The following PGCKA1 variants were observed in gnomAD, a reference collection of about 807,000 sequenced individuals.
PGCKA1 encodes PDCD10 and GCKIII kinases associated 1.
At chr4:37,509,284 A>G in the PGCKA1 span, among the ~76,000 whole-genome samples, 2,201 of 50,698 alleles carry the variant, frequency 0.043, 59 homozygotes, top group African/African-American at 0.06. Flanking sequence ...CCTCCCAGAC[A>G]GGGCGGCTGC....
At chr4:37,491,276 T>A in the PGCKA1 span, among the ~76,000 whole-genome samples, 12 of 152,288 alleles carry the variant, frequency 7.9e-5, no homozygotes, top group Admixed American at 2.0e-4. Context: ...AGCTCTTTAT[T>A]CTCTCTGTCC....
At chr4:37,546,975 A>G in the PGCKA1 span, among the ~76,000 whole-genome samples, 13 of 152,286 alleles carry the variant, frequency 8.5e-5, 1 homozygote, top group South Asian at 2.5e-3. Context: ...GTGTGGCCTG[A>G]TCACCCACGG....
At chr4:37,547,182 G>C in the PGCKA1 span, among the ~76,000 whole-genome samples, 1 of 152,178 alleles carries the variant, frequency 6.6e-6, no homozygotes, top group African/African-American at 2.4e-5. Context: ...TTGGGAACTT[G>C]CCTTCTCCAT....
At chr4:37,566,129 C>G in the PGCKA1 span, among the ~76,000 whole-genome samples, 1 of 152,086 alleles carries the variant, frequency 6.6e-6, no homozygotes, top group African/African-American at 2.4e-5. Flanking sequence ...ATATGTCTAT[C>G]CTGTTAGTTC....
At chr4:37,513,681 G>C in the PGCKA1 span, among the ~76,000 whole-genome samples, 1 of 152,224 alleles carries the variant, frequency 6.6e-6, no homozygotes, top group Non-Finnish European at 1.5e-5. Flanking sequence ...TATAACAAAA[G>C]TTGAGGACAG....
At chr4:37,514,070 A>G in the PGCKA1 span, among the ~76,000 whole-genome samples, 1 of 152,190 alleles carries the variant, frequency 6.6e-6, no homozygotes, top group African/African-American at 2.4e-5. Flanking sequence ...ACTTATATTG[A>G]ATTCTTTCAG....
chr4:37,488,250 C>T, the PGCKA1 span, among the ~76,000 whole-genome samples: 1 of 152,140 alleles, frequency 6.6e-6, no homozygotes, highest in Middle Eastern at 3.2e-3. Context: ...TGCTTAAAGG[C>T]AGTGTATTTC....
chr4:37,502,340 G>T, the PGCKA1 span, among the ~76,000 whole-genome samples: 4 of 152,188 alleles, frequency 2.6e-5, no homozygotes, highest in Non-Finnish European at 5.9e-5. Context: ...TCAGGAAGGT[G>T]GAGGCCCCCC....
At chr4:37,509,856 T>G in the PGCKA1 span, among the ~76,000 whole-genome samples, 2 of 151,576 alleles carry the variant, frequency 1.3e-5, no homozygotes, top group African/African-American at 2.4e-5. Flanking sequence ...CCAGGCACTC[T>G]GCAGGCTGAG....
At chr4:37,558,482 A>G in the PGCKA1 span, among the ~76,000 whole-genome samples, 1 of 152,162 alleles carries the variant, frequency 6.6e-6, no homozygotes, top group Admixed American at 6.6e-5. Flanking sequence ...TTAGAAATTC[A>G]GTTTCTCCCT....
chr4:37,528,382 C>T, the PGCKA1 span, among the ~76,000 whole-genome samples: 3 of 152,108 alleles, frequency 2.0e-5, no homozygotes, highest in Non-Finnish European at 4.4e-5. Flanking sequence ...AACCTGCAGC[C>T]GCATCTCACC....
chr4:37,592,336 C>T, the PGCKA1 span, among the ~76,000 whole-genome samples: 5 of 133,934 alleles, frequency 3.7e-5, no homozygotes, highest in Admixed American at 2.6e-4. Flanking sequence ...GGCAATTTAG[C>T]GAGACCCCAT....
chr4:37,544,239 T>C, the PGCKA1 span, among the ~76,000 whole-genome samples: 1 of 152,200 alleles, frequency 6.6e-6, no homozygotes, highest in Admixed American at 6.5e-5. Flanking sequence ...ATTGAGTTTT[T>C]TTTGTTTTAT....
At chr4:37,556,179 C>A in the PGCKA1 span, among the ~76,000 whole-genome samples, 5 of 152,204 alleles carry the variant, frequency 3.3e-5, no homozygotes, top group Non-Finnish European at 5.9e-5. Flanking sequence ...ATCTCTGTCA[C>A]ATTCCCCTTG....
chr4:37,469,939 G>A, the PGCKA1 span, among the ~76,000 whole-genome samples: 3 of 152,182 alleles, frequency 2.0e-5, no homozygotes, highest in East Asian at 5.8e-4. Context: ...AAATGGATAA[G>A]GCAAAGCATT....
At chr4:37,520,421 C>G in the PGCKA1 span, among the ~76,000 whole-genome samples, 3 of 152,104 alleles carry the variant, frequency 2.0e-5, no homozygotes, top group Non-Finnish European at 4.4e-5. Flanking sequence ...TTTATTACAA[C>G]TTTGATCTCG....
the PGCKA1 span, among the ~76,000 whole-genome samples, chr4:37,546,439 TCTGA>T: frequency 6.6e-6 from 1 of 152,236 alleles, no homozygotes; most frequent in African/African-American, 2.4e-5. Context: ...TCTGTTTCAC[TCTGA>T]CTACCAGTGC....
At chr4:37,542,467 A>G in the PGCKA1 span, among the ~76,000 whole-genome samples, 1 of 152,232 alleles carries the variant, frequency 6.6e-6, no homozygotes, top group Non-Finnish European at 1.5e-5. Flanking sequence ...CAGACCACGG[A>G]ATGTTGTCCT....
At chr4:37,507,392 G>C in the PGCKA1 span, among the ~76,000 whole-genome samples, 2 of 151,914 alleles carry the variant, frequency 1.3e-5, no homozygotes, top group East Asian at 3.9e-4. Context: ...TAGTGAAGCT[G>C]ATTTTCTCAG....
Sources: allele counts gnomAD v4.1 joint callset (sites outside exome capture counted in the v4.1 genomes callset), GRCh38; gene constraint gnomAD v4.1.1; transcripts MANE v1.5; gene names NCBI Gene and HGNC (gene_info 2026-07-23, HGNC 2026-07-21).